TTYH3: variants seen among roughly 807,000 people sequenced by gnomAD.
TTYH3 encodes the protein tweety family member 3.
TTYH3 carries 23 observed loss-of-function variants against 68.2 expected under a neutral mutation model. The ratio of observed to expected loss-of-function variants is 0.34; its 90% CI spans 0.24 to 0.48. The LOEUF is 0.48. TTYH3 is among the 20% of genes least tolerant of loss of function. The probability of loss-of-function intolerance (pLI) is 0.99; values close to 1 mark genes in which losing one functional copy is unlikely to be tolerated. For missense variants in TTYH3, 768 were observed against 727.7 expected, an observed-to-expected ratio of 1.06 and a Z score of -0.64; for synonymous variants, 360 against 332.8, an observed-to-expected ratio of 1.08 and a Z score of -0.89.
chr7:2,653,639 A>G, intron 9 of TTYH3, among the ~76,000 whole-genome samples: 1 of 152,208 alleles, frequency 6.6e-6, no homozygotes, highest in East Asian at 1.9e-4. Flanking sequence ...GAGGTGGGTG[A>G]ATCACTTGAG....
chr7:2,632,385 C>G, intron 1 of TTYH3, 107 bp downstream of exon 1: 1 of 1,211,486 alleles, frequency 8.3e-7, no homozygotes, highest in Non-Finnish European at 1.1e-6. Context: ...CCCCTCATCC[C>G]CCCCTCCAGG....
chr7:2,655,157 T>G (rs1786298155), intron 9 of TTYH3, among the ~76,000 whole-genome samples: 1 of 151,346 alleles, frequency 6.6e-6, no homozygotes, highest in Admixed American at 6.6e-5. Flanking sequence ...TTTTTTGGTG[T>G]TGTTTTTGAG....
At chr7:2,650,997 T>G (rs1583569402) in intron 7 of TTYH3, among the ~76,000 whole-genome samples, 1 of 147,086 alleles carries the variant, frequency 6.8e-6, no homozygotes, top group African/African-American at 2.5e-5. Context: ...GACCATAAGC[T>G]GTACTGTGGG....
At position 2,649,737 on chromosome 7, in the gene TTYH3, G is replaced by A. The variant is rs1315698941; in HGVS notation, c.795+98G>A. The A allele has an allele frequency of 6.7e-6, 10 of 1,500,204 alleles. No individual in the cohort carries two copies. The African/African-American group carries it at 1.2e-4, about 19-fold the overall frequency. 92.9% of individuals were successfully genotyped at this position (1,500,204 alleles called of 1,614,324 possible). ...CTCCTCTCCCCTCCCATCTTCCCGG[G>A]CACTGGGTCCCGAGAGCGGTGGGGA... is the stretch of plus-strand genomic sequence containing the variant. On this transcript the variant is annotated intron_variant, in intron 6 of 13. Coordinates refer to ENST00000258796, the MANE Select transcript of TTYH3 (RefSeq NM_025250.3).
At chr7:2,654,408 C>T (rs1786276562) in intron 9 of TTYH3, among the ~76,000 whole-genome samples, 1 of 151,972 alleles carries the variant, frequency 6.6e-6, no homozygotes, top group South Asian at 2.1e-4. Flanking sequence ...CTCTCTTTCT[C>T]TCTGTATGTA....
chr7:2,658,329 C>T lies in TTYH3; in HGVS notation c.1294C>T (p.Arg432Trp), dbSNP rs780481304. Residue 432 changes from arginine (R) to tryptophan (W), a missense_variant, in exon 12 of 14, where the codon CGG becomes TGG. Transcript: ENST00000258796. The part of the protein sequence containing the change: ...DGEEEAAPGP[R>W]QAHDSLYRVH... The stretch of plus-strand genomic sequence containing the variant: ...GGAGGAGGAGGCCGCTCCAGGGCCG[C>T]GGCAGGCGCACGACAGCCTCTACCG... 15 of 1,601,558 alleles carry T rather than the reference C, an allele frequency of 9.4e-6. No individual in the cohort carries two copies. The East Asian group carries it at 1.1e-4, about 12-fold the overall frequency.
At position 2,656,247 on chromosome 7, in the gene TTYH3, G is replaced by A. The variant is rs888836779; in HGVS notation, c.1113+63G>A. On this transcript the variant is annotated intron_variant, in intron 10 of 13. Coordinates refer to ENST00000258796, the MANE Select transcript of TTYH3 (RefSeq NM_025250.3). ...GTAGGGTGGGAACAGGGGAGCAGCT[G>A]TTCGGGAGGATGGGGACCCTCAGCA... 6 of 1,552,594 alleles carry A rather than the reference G, an allele frequency of 3.9e-6. No individual in the cohort carries two copies. In the African/African-American group the frequency reaches 5.4e-5, roughly 14 times the overall value.
intron 9 of TTYH3, among the ~76,000 whole-genome samples, chr7:2,653,308 T>TCTCA (rs1192527760): frequency 1.3e-5 from 2 of 152,160 alleles, no homozygotes; most frequent in Admixed American, 6.5e-5. Flanking sequence ...GTTGCCCAGG[T>TCTCA]GGGTCTCAGG....
chr7:2,640,671 T>G (rs1045002702), intron 1 of TTYH3, among the ~76,000 whole-genome samples: 1 of 152,196 alleles, frequency 6.6e-6, no homozygotes, highest in Non-Finnish European at 1.5e-5. Context: ...TGTGTCTGTG[T>G]GGCTGATGGG....
chr7:2,636,936 C>T (rs1471156639), intron 1 of TTYH3, among the ~76,000 whole-genome samples: 2 of 152,186 alleles, frequency 1.3e-5, no homozygotes, highest in Non-Finnish European at 2.9e-5. Context: ...GGTTCTCAAG[C>T]CCCTTCCTTG....
At chr7:2,660,941 C>T (rs1247738881) in intron 13 of TTYH3, among the ~76,000 whole-genome samples, 1 of 152,214 alleles carries the variant, frequency 6.6e-6, no homozygotes, top group East Asian at 1.9e-4. Context: ...TCAAGACCTT[C>T]ACACTCCTGC....
intron 11 of TTYH3, among the ~76,000 whole-genome samples, chr7:2,657,527 G>C (rs1190440602): frequency 1.3e-5 from 2 of 152,140 alleles, no homozygotes; most frequent in Non-Finnish European, 2.9e-5. Flanking sequence ...AAAGATGGTA[G>C]ACATAGGGGA....
intron 13 of TTYH3, chr7:2,660,224 G>T: frequency 2.0e-6 from 2 of 985,400 alleles, no homozygotes; most frequent in Non-Finnish European, 2.4e-6. Flanking sequence ...CTCTGGGCCC[G>T]CCAGCCTCAC....
At chr7:2,647,666 C>T (rs1437689727) in intron 4 of TTYH3, 28 bp downstream of exon 4, 3 of 1,535,834 alleles carry the variant, frequency 2.0e-6, no homozygotes, top group East Asian at 4.9e-5. Flanking sequence ...TCCCTGCCCG[C>T]CCCACGTGGG....
chr7:2,652,207 G>T lies in TTYH3; in HGVS notation c.892G>T (p.Ala298Ser). Residue 298 changes from alanine to serine, a missense_variant, in exon 8 of 14, where the codon GCC (alanine) becomes TCC (serine). Physicochemically the swap from Ala to Ser is moderately conservative, Grantham distance 99 (BLOSUM62 1). Coordinates refer to ENST00000258796, the MANE Select transcript of TTYH3 (RefSeq NM_025250.3). ...CGCAGACATCCTGCAGTACTACCTG[G>T]CCTGCTCGCCCCGCGCCGCCAACCC... is the stretch of plus-strand genomic sequence containing the variant. Reference protein sequence around the residue: ...LSGDILQYYLACSPRAANPFQ... With the variant: ...LSGDILQYYLSCSPRAANPFQ... 1 of 1,613,212 alleles carries T rather than the reference G, an allele frequency of 6.2e-7. No individual in the cohort carries two copies.
At position 2,656,083 on chromosome 7, in the gene TTYH3, GC is replaced by G; in HGVS notation, c.1021-3del. The stretch of plus-strand genomic sequence containing the variant: ...GAAGTGCTGACCATCTGCGGTGCGT[GC>G]CCCCCAGGACCCCCTCCTCCGCGTC... On this transcript the variant is annotated splice_region_variant and splice_polypyrimidine_tract_variant and intron_variant, in intron 9 of 13. Transcript: ENST00000258796. 6 of 1,534,778 alleles carry G rather than the reference GC, an allele frequency of 3.9e-6. No homozygotes were observed. The highest frequency in any genetic ancestry group is 2.0e-5 in the Admixed American group (1 of 50,894).
intron 9 of TTYH3, among the ~76,000 whole-genome samples, chr7:2,655,007 C>T (rs981700671): frequency 2.0e-5 from 3 of 152,160 alleles, no homozygotes; most frequent in African/African-American, 7.2e-5. Context: ...CTTGGTTTAC[C>T]TTCAACACCT....
In TTYH3 at chr7:2,661,733, C is replaced by T. The variant is rs761673210; in HGVS notation, c.1566C>T (p.Ser522=). 2.9e-5 allele frequency: 46 copies of T among 1,611,094 alleles called. No individual in the cohort carries two copies. In the East Asian group the frequency reaches 9.8e-4, roughly 34 times the overall value. Residue 522 remains serine, a synonymous_variant, in exon 14 of 14, where the codon AGC becomes AGT. Coordinates refer to ENST00000258796, the MANE Select transcript of TTYH3 (RefSeq NM_025250.3). ...TSQPRPDSSG[S]H ...AGCCTCGCCCTGACTCCAGCGGCAGCCACTAGACCGCGCCCGGCAGCCACC... is the reference window on the plus strand; with the variant it reads ...AGCCTCGCCCTGACTCCAGCGGCAGTCACTAGACCGCGCCCGGCAGCCACC...
intron 9 of TTYH3, among the ~76,000 whole-genome samples, chr7:2,654,224 A>C (rs989449143): frequency 1.3e-5 from 2 of 152,092 alleles, no homozygotes; most frequent in African/African-American, 4.8e-5. Context: ...GCAAGACCCC[A>C]TTCTACAAAA....
Sources: gnomAD v4.1 joint callset for allele counts (sites outside exome capture counted in the v4.1 genomes callset) on GRCh38, gnomAD v4.1.1 for gene constraint, MANE v1.5 for transcripts, NCBI Gene and HGNC (gene_info 2026-07-23, HGNC 2026-07-21) for gene names.